WNT3: variants seen among roughly 807,000 people sequenced by gnomAD.
WNT3 encodes the protein Wnt family member 3.
WNT3 carries 7 observed loss-of-function variants against 34.2 expected under a neutral mutation model. That is an observed-to-expected ratio of 0.20 (90% CI 0.12 to 0.38). The LOEUF (loss-of-function observed/expected upper bound fraction) is 0.38, where lower values mean the gene tolerates loss of function less well. Ranked by LOEUF, WNT3 falls within the 10% of genes least tolerant of loss-of-function variation. The pLI, the probability that WNT3 is intolerant of heterozygous loss-of-function variation, is 1.00. For synonymous variants in WNT3, 212 were observed against 211.5 expected (o/e 1.00, Z -0.02); for missense variants, 267 against 499.8 (o/e 0.53, Z 4.44).
chr17:46,781,287 A>G (rs1218241368), intron 1 of WNT3, among the ~76,000 whole-genome samples: 1 of 152,042 alleles, frequency 6.6e-6, no homozygotes, highest in Non-Finnish European at 1.5e-5. Context: ...TACAACGTAG[A>G]GGAAACTTGA....
chr17:46,770,139 C>A, intron 2 of WNT3, 91 bp from the exon 3 acceptor site: 3 of 1,444,178 alleles, frequency 2.1e-6, no homozygotes, highest in Non-Finnish European at 2.7e-6. Flanking sequence ...GTGAGGGGAA[C>A]GAGGCCAGGA....
intron 1 of WNT3, among the ~76,000 whole-genome samples, chr17:46,805,185 C>A (rs2084178633): frequency 6.6e-6 from 1 of 152,032 alleles, no homozygotes; most frequent in Non-Finnish European, 1.5e-5. Context: ...GAACCCTACC[C>A]CTGGAATCCC....
intron 3 of WNT3, among the ~76,000 whole-genome samples, chr17:46,769,488 C>T (rs996863561): frequency 7.2e-5 from 11 of 152,156 alleles, no homozygotes; most frequent in Admixed American, 7.2e-4. Context: ...GACAGCCCTA[C>T]ACCGCGTGCC....
intron 1 of WNT3, among the ~76,000 whole-genome samples, chr17:46,790,829 C>T (rs571416252): frequency 3.9e-5 from 6 of 152,334 alleles, no homozygotes; most frequent in Non-Finnish European, 5.9e-5. Context: ...CCGGCTACTG[C>T]GCTCGCGTTT....
intron 1 of WNT3, among the ~76,000 whole-genome samples, chr17:46,791,177 G>C (rs946263159): frequency 6.6e-6 from 1 of 151,352 alleles, no homozygotes; most frequent in Non-Finnish European, 1.5e-5. Flanking sequence ...CTTGCCTGCA[G>C]CTACATTTCC....
chr17:46,773,619 T>TGCCGGGGGG, intron 2 of WNT3, 49 bp downstream of exon 2: 1 of 549,848 alleles, frequency 1.8e-6, no homozygotes, highest in Non-Finnish European at 3.2e-6. Flanking sequence ...ACAGTCCTGA[T>TGCCGGGGGG]CCCTCCCCCC....
At chr17:46,809,192 A>T (rs1158078135) in intron 1 of WNT3, among the ~76,000 whole-genome samples, 2 of 152,216 alleles carry the variant, frequency 1.3e-5, no homozygotes, top group Non-Finnish European at 2.9e-5. Context: ...AGTACCAGAT[A>T]GGAAGAGGGG....
intron 1 of WNT3, among the ~76,000 whole-genome samples, chr17:46,780,637 G>A (rs897021726): frequency 5.9e-5 from 9 of 152,160 alleles, no homozygotes; most frequent in African/African-American, 1.9e-4. Context: ...TTAGCCGGGC[G>A]TGGTGGCAGG....
At chr17:46,786,701 G>A (rs558040441) in intron 1 of WNT3, among the ~76,000 whole-genome samples, 5 of 152,284 alleles carry the variant, frequency 3.3e-5, no homozygotes, top group African/African-American at 7.2e-5. Context: ...AAGGGGTGCC[G>A]TGCTCTCTGT....
chr17:46,802,268 CTTTTATT>C (rs1289246662), intron 1 of WNT3, among the ~76,000 whole-genome samples: 1 of 151,924 alleles, frequency 6.6e-6, no homozygotes, highest in African/African-American at 2.4e-5. Context: ...ACTTTCTTTT[CTTTTATT>C]TATTTATTTT....
chr17:46,810,004 C>CTT (rs11292601), intron 1 of WNT3, among the ~76,000 whole-genome samples: 1,546 of 126,332 alleles, frequency 0.012, 24 homozygotes, highest in African/African-American at 0.038. Flanking sequence ...TTCTTTCTTT[C>CTT]TTTTTTTTTT....
At chr17:46,807,667 C>T (rs2084215007) in intron 1 of WNT3, among the ~76,000 whole-genome samples, 1 of 152,194 alleles carries the variant, frequency 6.6e-6, no homozygotes, top group African/African-American at 2.4e-5. Flanking sequence ...ATCCCAAAGA[C>T]AAGTCTTTAT....
chr17:46,803,353 G>A (rs1261277172), intron 1 of WNT3, among the ~76,000 whole-genome samples: 1 of 152,182 alleles, frequency 6.6e-6, no homozygotes, highest in African/African-American at 2.4e-5. Flanking sequence ...TGCCAACATG[G>A]CAAAACCTTG....
chr17:46,818,555 C>T lies in WNT3; in HGVS notation c.43G>A (p.Gly15Ser), dbSNP rs373944077. The T allele has an allele frequency of 1.2e-6, 2 of 1,609,012 alleles. No individual in the cohort carries two copies. Among genetic ancestry groups the T allele is most frequent in the Non-Finnish European group, 1.7e-6 (2 of 1,178,486 alleles). ...LLGLLLGLLL[G>S]GTRVLAGYPI... is the part of the protein sequence containing the mutation. ...TAGCCAGCGAGGACCCTGGTGCCAC[C>T]GAGCAGGAGGCCGAGGAGCAGCCCG... The change falls in exon 1 of 5, where the codon GGT becomes AGT. Residue 15 changes from glycine (G) to serine (S), a missense_variant. Physicochemically the swap from Gly to Ser is moderately conservative, Grantham distance 56 (BLOSUM62 0). Transcript: ENST00000225512.
chr17:46,792,103 CA>C (rs2083995206), intron 1 of WNT3, among the ~76,000 whole-genome samples: 1 of 152,162 alleles, frequency 6.6e-6, no homozygotes, highest in African/African-American at 2.4e-5. Flanking sequence ...CATTTAAAGT[CA>C]AAAAATTCTA....
chr17:46,774,330 C>G (rs1323164748), intron 1 of WNT3, among the ~76,000 whole-genome samples: 1 of 152,256 alleles, frequency 6.6e-6, no homozygotes, highest in African/African-American at 2.4e-5. Flanking sequence ...CACATGGACA[C>G]TTCCAGTGAC....
chr17:46,801,961 A>C (rs568506241), intron 1 of WNT3, among the ~76,000 whole-genome samples: 1 of 152,250 alleles, frequency 6.6e-6, no homozygotes, highest in African/African-American at 2.4e-5. Flanking sequence ...CCATGTGCCC[A>C]GTATTGAAAA....
intron 1 of WNT3, among the ~76,000 whole-genome samples, chr17:46,789,262 G>A (rs2083948617): frequency 1.3e-5 from 2 of 152,162 alleles, no homozygotes; most frequent in South Asian, 2.1e-4. Flanking sequence ...CACCTACCTG[G>A]ACTGTCCCAT....
intron 1 of WNT3, among the ~76,000 whole-genome samples, chr17:46,791,094 T>A (rs1179895009): frequency 6.6e-6 from 1 of 152,186 alleles, no homozygotes; most frequent in Non-Finnish European, 1.5e-5. Flanking sequence ...AGGTACAGGA[T>A]GCTCACACTC....
Sources: gnomAD v4.1 joint callset for allele counts (sites outside exome capture counted in the v4.1 genomes callset) on GRCh38, gnomAD v4.1.1 for gene constraint, MANE v1.5 for transcripts, NCBI Gene and HGNC (gene_info 2026-07-23, HGNC 2026-07-21) for gene names.